Variants in GABRB1 observed in about 807,000 individuals in gnomAD.
GABRB1 encodes gamma-aminobutyric acid type A receptor subunit beta1, also known as gamma-aminobutyric acid receptor subunit beta-1.
Under a neutral mutation model 51.6 loss-of-function variants are expected in GABRB1, and 17 were observed. That is an observed-to-expected ratio of 0.33 (90% CI 0.23 to 0.49). The LOEUF is 0.49. Among genes scored for constraint, GABRB1 ranks in the 20% least tolerant of loss-of-function variants. GABRB1 has a pLI of 0.99. For missense variants in GABRB1, 410 were observed against 600.6 expected (o/e 0.68, Z 3.32); for synonymous variants, 247 against 218.9 (o/e 1.13, Z -1.14).
At chr4:47,058,220 G>A (rs1707975433) in intron 3 of GABRB1, among the ~76,000 whole-genome samples, 1 of 152,274 alleles carries the variant, frequency 6.6e-6, no homozygotes, top group East Asian at 1.9e-4. Context: ...CTGTGCAGAA[G>A]GGTCGGTCCA....
chr4:47,111,508 T>A (rs1715208678), intron 3 of GABRB1, among the ~76,000 whole-genome samples: 1 of 152,150 alleles, frequency 6.6e-6, no homozygotes, highest in African/African-American at 2.4e-5. Context: ...AGTAGAATTT[T>A]AAACTTGAAA....
At chr4:47,015,060 C>T (rs1168313623) in intron 1 of GABRB1, among the ~76,000 whole-genome samples, 2 of 152,186 alleles carry the variant, frequency 1.3e-5, no homozygotes, top group Non-Finnish European at 1.5e-5. Context: ...GCACACGCCA[C>T]CACACCCGGC....
intron 4 of GABRB1, among the ~76,000 whole-genome samples, chr4:47,212,177 C>A (rs535700585): frequency 6.6e-6 from 1 of 152,162 alleles, no homozygotes; most frequent in Non-Finnish European, 1.5e-5. Flanking sequence ...CAGCCAGCTA[C>A]GCAGATCCTC....
intron 4 of GABRB1, among the ~76,000 whole-genome samples, chr4:47,311,764 G>A (rs1038752213): frequency 1.3e-5 from 2 of 152,130 alleles, no homozygotes; most frequent in Admixed American, 6.6e-5. Flanking sequence ...GAGGTGCTTA[G>A]TACAGTGCCT....
intron 1 of GABRB1, among the ~76,000 whole-genome samples, chr4:47,011,265 A>G (rs1724575345): frequency 6.6e-6 from 1 of 152,128 alleles, no homozygotes; most frequent in Non-Finnish European, 1.5e-5. Context: ...TTGCTGCAAA[A>G]ATAAGGCCAC....
intron 4 of GABRB1, among the ~76,000 whole-genome samples, chr4:47,261,730 A>G (rs1268381175): frequency 2.6e-5 from 4 of 152,070 alleles, no homozygotes; most frequent in African/African-American, 7.2e-5. Flanking sequence ...AGCCCGCATC[A>G]CCAAGTCAAT....
intron 5 of GABRB1, among the ~76,000 whole-genome samples, chr4:47,377,533 T>C (rs946865540): frequency 2.0e-5 from 3 of 151,954 alleles, no homozygotes; most frequent in African/African-American, 7.3e-5. Flanking sequence ...GCAGCAAGAT[T>C]TATTGCAAAG....
At chr4:47,232,566 C>T (rs539798712) in intron 4 of GABRB1, among the ~76,000 whole-genome samples, 33 of 152,246 alleles carry the variant, frequency 2.2e-4, no homozygotes, top group African/African-American at 7.9e-4. Context: ...AACTTGATTA[C>T]AGTATCTCCA....
At chr4:47,420,967 C>CACAT (rs1425666342) in intron 8 of GABRB1, among the ~76,000 whole-genome samples, 1 of 148,936 alleles carries the variant, frequency 6.7e-6, no homozygotes, top group Non-Finnish European at 1.5e-5. Context: ...CACACACACA[C>CACAT]ACACACACAC....
At chr4:47,241,729 A>G (rs1419732729) in intron 4 of GABRB1, among the ~76,000 whole-genome samples, 30 of 151,938 alleles carry the variant, frequency 2.0e-4, no homozygotes, top group Admixed American at 2.0e-3. Context: ...TCATGAAGAC[A>G]TTTGTTAATG....
chr4:47,244,248 G>T (rs1721653340), intron 4 of GABRB1, among the ~76,000 whole-genome samples: 1 of 152,198 alleles, frequency 6.6e-6, no homozygotes, highest in Admixed American at 6.5e-5. Flanking sequence ...TGATCGTGGT[G>T]CATAAGCTTT....
chr4:47,016,017 G>C (rs1724731434), intron 1 of GABRB1, among the ~76,000 whole-genome samples: 1 of 152,196 alleles, frequency 6.6e-6, no homozygotes, highest in African/African-American at 2.4e-5. Flanking sequence ...AAGTTCACAA[G>C]GATGAGATGG....
intron 5 of GABRB1, among the ~76,000 whole-genome samples, chr4:47,357,981 G>T (rs184381723): frequency 9.2e-5 from 14 of 152,210 alleles, no homozygotes; most frequent in East Asian, 7.7e-4. Context: ...ATGTGACAAG[G>T]TGCTATGCTA....
chr4:47,305,110 T>G (rs1438120284), intron 4 of GABRB1, among the ~76,000 whole-genome samples: 1 of 152,134 alleles, frequency 6.6e-6, no homozygotes. Context: ...AAGTAGGACC[T>G]TAACCCATGT....
At chr4:47,353,352 G>A (rs1051757352) in intron 5 of GABRB1, among the ~76,000 whole-genome samples, 2 of 152,194 alleles carry the variant, frequency 1.3e-5, no homozygotes, top group African/African-American at 4.8e-5. Flanking sequence ...TTTTAGGGAA[G>A]CTCATGATAA....
chr4:47,336,011 A>C (rs1395832845), intron 5 of GABRB1, among the ~76,000 whole-genome samples: 1 of 152,180 alleles, frequency 6.6e-6, no homozygotes, highest in Admixed American at 6.6e-5. Flanking sequence ...TCTGTTTTAG[A>C]CATTCAAGAT....
At chr4:47,200,624 TAATAA>T (rs1719862353) in intron 4 of GABRB1, among the ~76,000 whole-genome samples, 1 of 152,148 alleles carries the variant, frequency 6.6e-6, no homozygotes, top group Non-Finnish European at 1.5e-5. Context: ...ATACCATTAA[TAATAA>T]AGGCACCACC....
intron 4 of GABRB1, among the ~76,000 whole-genome samples, chr4:47,225,186 CATA>C (rs1007726082): frequency 3.3e-5 from 5 of 152,054 alleles, no homozygotes; most frequent in African/African-American, 1.2e-4. Context: ...TGAGCCACTG[CATA>C]ATGTTGGAGT....
intron 4 of GABRB1, among the ~76,000 whole-genome samples, chr4:47,268,434 G>A (rs1312046932): frequency 6.6e-6 from 1 of 152,160 alleles, no homozygotes; most frequent in Non-Finnish European, 1.5e-5. Context: ...AAAGAGAAGG[G>A]TAGGGGATGC....
Sources: allele counts gnomAD v4.1 joint callset (sites outside exome capture counted in the v4.1 genomes callset), GRCh38; gene constraint gnomAD v4.1.1; transcripts MANE v1.5; gene names NCBI Gene and HGNC (gene_info 2026-07-23, HGNC 2026-07-21).